EPS15: variants seen among roughly 807,000 people sequenced by gnomAD.
EPS15 encodes the protein epidermal growth factor receptor pathway substrate 15, also known as epidermal growth factor receptor substrate 15.
Under a neutral mutation model 113.8 loss-of-function variants are expected in EPS15, and 72 were observed. That is an observed-to-expected ratio of 0.63 (90% CI 0.52 to 0.77). The LOEUF is 0.77. Ranked by LOEUF, EPS15 falls within the 30% of genes least tolerant of loss-of-function variation. The pLI is 0.00. For missense variants in EPS15, 1,048 were observed against 1,045.8 expected (o/e 1.00, Z -0.03); for synonymous variants, 344 against 363.4 (o/e 0.95, Z 0.61).
At chr1:51,433,321 T>C (rs760551069) in intron 12 of EPS15, among the ~76,000 whole-genome samples, 1 of 152,270 alleles carries the variant, frequency 6.6e-6, no homozygotes, top group Non-Finnish European at 1.5e-5. Context: ...CTAACATGTA[T>C]TGAGAACTTA....
At chr1:51,498,154 C>A (rs1055583715) in intron 1 of EPS15, among the ~76,000 whole-genome samples, 7 of 152,148 alleles carry the variant, frequency 4.6e-5, no homozygotes, top group African/African-American at 1.4e-4. Flanking sequence ...AAAAATTCTG[C>A]CTGACCATTG....
chr1:51,437,377 A>G (rs1279289132), intron 12 of EPS15, among the ~76,000 whole-genome samples: 1 of 152,110 alleles, frequency 6.6e-6, no homozygotes, highest in East Asian at 1.9e-4. Flanking sequence ...TATGTATTAT[A>G]ACTATCATTA....
rs1052635529 is a variant in EPS15, at chr1:51,471,904, T to A, written c.166-167A>T. 2.0e-5 allele frequency among the ~76,000 whole-genome samples: 3 copies of A among 152,186 alleles called. No individual in the cohort carries two copies. The East Asian group carries it at 5.8e-4, about 29-fold the overall frequency. ...TTAAAGATCATTTAGTGCAAACTTG[T>A]CCAACTTGCAGCCCACAGGCCACAT... On this transcript the variant is annotated intron_variant, in intron 3 of 24. Transcript: ENST00000371733.
At chr1:51,428,862 C>T (rs1204875028) in intron 12 of EPS15, among the ~76,000 whole-genome samples, 1 of 147,480 alleles carries the variant, frequency 6.8e-6, no homozygotes, top group East Asian at 2.0e-4. Flanking sequence ...GAGGGTAAGG[C>T]AGAGGAGAGA....
intron 19 of EPS15, 26 bp from the exon 20 acceptor site, chr1:51,399,191 G>T (rs762637148): frequency 6.2e-7 from 1 of 1,602,194 alleles, no homozygotes; most frequent in South Asian, 1.1e-5. Context: ...ACGAATATAA[G>T]AGACAAAAAA....
intron 1 of EPS15, among the ~76,000 whole-genome samples, chr1:51,496,931 T>C (rs1035375338): frequency 3.9e-5 from 6 of 152,220 alleles, no homozygotes; most frequent in African/African-American, 1.4e-4. Context: ...TTCTGAGTTC[T>C]AGAATTTTTT....
intron 12 of EPS15, among the ~76,000 whole-genome samples, chr1:51,425,481 C>T (rs1179959482): frequency 1.3e-5 from 2 of 152,142 alleles, no homozygotes; most frequent in Admixed American, 6.5e-5. Context: ...TCCTAAACAG[C>T]AGCATCCACT....
chr1:51,431,516 G>A (rs1210904020), intron 12 of EPS15, among the ~76,000 whole-genome samples: 1 of 151,838 alleles, frequency 6.6e-6, no homozygotes, highest in Non-Finnish European at 1.5e-5. Flanking sequence ...GGCAATCTTG[G>A]CTCACTACAA....
chr1:51,455,891 T>C (rs1190673662), intron 8 of EPS15, among the ~76,000 whole-genome samples: 1 of 152,034 alleles, frequency 6.6e-6, no homozygotes, highest in Non-Finnish European at 1.5e-5. Context: ...TCATTTTAGT[T>C]GTGGCCAGAA....
chr1:51,392,941 T>C (rs1206782996), intron 21 of EPS15, among the ~76,000 whole-genome samples: 2 of 152,214 alleles, frequency 1.3e-5, no homozygotes, highest in African/African-American at 2.4e-5. Context: ...AGCTTAATAA[T>C]GAGGGTATAA....
chr1:51,444,295 T>C (rs1331109943), intron 11 of EPS15, among the ~76,000 whole-genome samples: 1 of 152,172 alleles, frequency 6.6e-6, no homozygotes, highest in Admixed American at 6.5e-5. Flanking sequence ...ACTAAAACAA[T>C]GAAGTTTTGA....
chr1:51,488,749 TTTAG>T, intron 1 of EPS15, among the ~76,000 whole-genome samples: 1 of 152,272 alleles, frequency 6.6e-6, no homozygotes, highest in South Asian at 2.1e-4. Context: ...TCCTCCTTTC[TTTAG>T]TAATAGTACC....
intron 12 of EPS15, among the ~76,000 whole-genome samples, chr1:51,439,892 A>G (rs1652449433): frequency 6.6e-6 from 1 of 152,120 alleles, no homozygotes; most frequent in African/African-American, 2.4e-5. Flanking sequence ...AGCTCTTGGC[A>G]TGGTGTCTGA....
chr1:51,379,852 A>C (rs1388953059), intron 21 of EPS15, among the ~76,000 whole-genome samples: 1 of 152,168 alleles, frequency 6.6e-6, no homozygotes, highest in Non-Finnish European at 1.5e-5. Flanking sequence ...ACTTGAGGTC[A>C]GGAGTTCAAG....
intron 21 of EPS15, among the ~76,000 whole-genome samples, chr1:51,383,128 A>C (rs1646979079): frequency 6.6e-6 from 1 of 152,256 alleles, no homozygotes; most frequent in African/African-American, 2.4e-5. Context: ...GGAAAAATAC[A>C]ACACCAATCA....
intron 3 of EPS15, 74 bp from the exon 4 acceptor site, chr1:51,471,811 C>G: frequency 1.9e-6 from 2 of 1,049,934 alleles, no homozygotes; most frequent in Non-Finnish European, 3.0e-6. Context: ...TAAATCTCTG[C>G]TATTTACAAC....
At chr1:51,502,647 G>A (rs1644432113) in intron 1 of EPS15, among the ~76,000 whole-genome samples, 1 of 152,122 alleles carries the variant, frequency 6.6e-6, no homozygotes, top group Admixed American at 6.5e-5. Flanking sequence ...CAGGATACAA[G>A]ATCAGTATAA....
chr1:51,404,014 GTCT>G (rs1311958274), intron 16 of EPS15, among the ~76,000 whole-genome samples: 1 of 152,116 alleles, frequency 6.6e-6, no homozygotes, highest in African/African-American at 2.4e-5. Flanking sequence ...GCTTCCCATT[GTCT>G]TCTTCATTTA....
chr1:51,402,445 A>C lies in EPS15; in HGVS notation c.1872T>G (p.Pro624=). 6.4e-7 allele frequency: 1 copy of C among 1,563,634 alleles called. No individual in the cohort carries two copies. Among genetic ancestry groups the C allele is most frequent in the South Asian group, 1.2e-5 (1 of 84,256 alleles). ...DTNLDFFQSD[P]FVGSDPFKDD... ...AAAAAGAGTACTTACTGCCAACAAAAGGATCAGACTGGAAAAAATCCAAGT... is the reference window on the plus strand; with the variant it reads ...AAAAAGAGTACTTACTGCCAACAAACGGATCAGACTGGAAAAAATCCAAGT... The change falls in exon 18 of 25, where the codon CCT becomes CCG. Residue 624 remains proline (P), a synonymous_variant. Transcript: ENST00000371733.
Sources: gnomAD v4.1 joint callset for allele counts (sites outside exome capture counted in the v4.1 genomes callset) on GRCh38, gnomAD v4.1.1 for gene constraint, MANE v1.5 for transcripts, NCBI Gene and HGNC (gene_info 2026-07-23, HGNC 2026-07-21) for gene names.